LPCAT1: variants seen among roughly 807,000 people sequenced by gnomAD.
LPCAT1 encodes the protein 1-acylglycerol-3-phosphate O-acyltransferase.
LPCAT1 carries 23 observed loss-of-function variants against 60.9 expected under a neutral mutation model. The ratio of observed to expected loss-of-function variants is 0.38; its 90% CI spans 0.27 to 0.53. LPCAT1 has a LOEUF of 0.53. Among genes scored for constraint, LPCAT1 ranks in the 20% least tolerant of loss-of-function variants. The pLI, the probability that LPCAT1 is intolerant of heterozygous loss-of-function variation, is 0.82. For synonymous variants in LPCAT1, 340 were observed against 301.1 expected (o/e 1.13, Z -1.34); for missense variants, 622 against 723.6 (o/e 0.86, Z 1.61).
At chr5:1,514,125 C>T (rs1736434915) in intron 1 of LPCAT1, among the ~76,000 whole-genome samples, 1 of 152,232 alleles carries the variant, frequency 6.6e-6, no homozygotes, top group African/African-American at 2.4e-5. Context: ...ACCCCCACCA[C>T]CAGCGGCTGG....
intron 13 of LPCAT1, among the ~76,000 whole-genome samples, chr5:1,466,047 C>T (rs1471746769): frequency 6.6e-6 from 1 of 152,258 alleles, no homozygotes; most frequent in Non-Finnish European, 1.5e-5. Flanking sequence ...CTAAGACCAC[C>T]CTTCCAGGTG....
chr5:1,474,420 T>C (rs1042252755), intron 10 of LPCAT1, 140 bp downstream of exon 10: 50 of 1,219,906 alleles, frequency 4.1e-5, no homozygotes, highest in Non-Finnish European at 5.4e-5. Context: ...CTATGTGGGC[T>C]TAAGTTGATA....
chr5:1,468,168 T>C (rs937455412), intron 12 of LPCAT1, among the ~76,000 whole-genome samples: 3 of 152,158 alleles, frequency 2.0e-5, no homozygotes, highest in East Asian at 3.9e-4. Flanking sequence ...CTCTACCCCA[T>C]GGACCGGGTC....
intron 9 of LPCAT1, among the ~76,000 whole-genome samples, chr5:1,475,583 G>A (rs1734872475): frequency 6.6e-6 from 1 of 152,258 alleles, no homozygotes; most frequent in African/African-American, 2.4e-5. Context: ...GGATGTGTGC[G>A]CTCTGCCACC....
rs140908990 is a variant in LPCAT1 at position 1,495,548 on chromosome 5, T to C, written c.279-634A>G. Among the ~76,000 whole-genome samples, 1,363 of 152,250 alleles carry C rather than the reference T, an allele frequency of 9.0e-3. 24 individuals are homozygous for C. The highest frequency in any genetic ancestry group is 0.032 in the African/African-American group (1,311 of 41,508). On this transcript the variant is annotated intron_variant, in intron 2 of 13. Transcript: ENST00000283415. The surrounding 1 kb of genome is among the most constrained non-coding windows in gnomAD (Gnocchi z 4.7). ...GTGTACTCTTTATCTCTTTTTAAAA[T>C]AGGTACAAATTTAGCCTTTTAAATG...
chr5:1,486,151 G>T (rs1735363262), intron 5 of LPCAT1, among the ~76,000 whole-genome samples: 1 of 152,190 alleles, frequency 6.6e-6, no homozygotes, highest in Non-Finnish European at 1.5e-5. Context: ...GGAGAGGAAG[G>T]CCCCACATGG....
In LPCAT1 at chr5:1,466,789, G is replaced by C. The variant is rs543894552; in HGVS notation, c.1380C>G (p.Phe460Leu). 5 of 1,613,064 alleles carry C rather than the reference G, an allele frequency of 3.1e-6. No homozygotes were observed. In the South Asian group the frequency reaches 5.5e-5, roughly 18 times the overall value. Residue 460 changes from phenylalanine to leucine, a missense_variant, in exon 13 of 14, where the codon TTC (phenylalanine) becomes TTG (leucine). Physicochemically the swap from Phe to Leu is conservative, Grantham distance 22. Transcript: ENST00000283415. ...GVAELTVTDL[F>L]RAIDQEEKGK... The stretch of plus-strand genomic sequence containing the variant: ...CCTTCTCCTCTTGGTCAATGGCTCG[G>C]AATAGGTCGGTCACGGTGAGCTCTG...
At chr5:1,471,029 T>C in intron 11 of LPCAT1, 105 bp from the exon 12 acceptor site, 1 of 840,840 alleles carries the variant, frequency 1.2e-6, no homozygotes, top group South Asian at 1.6e-5. Context: ...AGTCCCACTC[T>C]CACTCGGGAA....
intron 1 of LPCAT1, among the ~76,000 whole-genome samples, chr5:1,509,044 G>A (rs1231499594): frequency 3.9e-5 from 6 of 152,252 alleles, no homozygotes; most frequent in African/African-American, 1.2e-4. Flanking sequence ...GGATGCTGCG[G>A]CCCCTCCGAG....
chr5:1,471,605 C>T (rs576482806), intron 11 of LPCAT1, among the ~76,000 whole-genome samples: 1 of 147,736 alleles, frequency 6.8e-6, no homozygotes, highest in Admixed American at 6.7e-5. Flanking sequence ...GGAAGACTCT[C>T]TGGTCAGACA....
rs1579740781 is a variant in LPCAT1 at position 1,462,043 on chromosome 5, G to A, written c.*1608C>T. 6.6e-6 allele frequency: 1 copy of A among 152,526 alleles called. No homozygotes were observed. Among genetic ancestry groups the A allele is most frequent in the South Asian group, 2.1e-4 (1 of 4,818 alleles). 9.4% of individuals were successfully genotyped at this position (152,526 alleles called of 1,614,324 possible). On this transcript the variant is annotated 3_prime_UTR_variant, in exon 14 of 14. Coordinates refer to ENST00000283415, the MANE Select transcript of LPCAT1 (RefSeq NM_024830.5). ...CAGTGTCCATGCTAAAAAACAAGTC[G>A]AGGTGATTGATTGAAACGGAGCTGA...
Position 1,474,070 on chromosome 5 carries a change from A to G in LPCAT1, c.1066T>C (p.Ser356Pro). ...EKLEKDLDRY[S>P]ERARMKGGEK... ...CCTCCCTTCATCCTGGCTCTTTCTG[A>G]GTATCTGTCCAGATCTTTTTCAAGC... is the stretch of plus-strand genomic sequence containing the variant. The change falls in exon 11 of 14, where the codon TCA (serine) becomes CCA (proline). Residue 356 changes from serine to proline, a missense_variant. Around this residue, in one of 3 missense-constraint regions of LPCAT1, gnomAD observed 288 missense variants for 283.6 expected, o/e 1.02. Transcript: ENST00000283415. The G allele has an allele frequency of 6.2e-7, 1 of 1,614,184 alleles. No homozygotes were observed. Among genetic ancestry groups the G allele is most frequent in the East Asian group, 2.2e-5 (1 of 44,892 alleles).
intron 11 of LPCAT1, 143 bp from the exon 12 acceptor site, chr5:1,471,067 G>A (rs1734650677): frequency 7.6e-6 from 5 of 654,220 alleles, no homozygotes; most frequent in Non-Finnish European, 1.3e-5. Flanking sequence ...AGGGAATCTT[G>A]GAAGGACATT....
At chr5:1,471,025 A>G (rs1214404702) in intron 11 of LPCAT1, 101 bp from the exon 12 acceptor site, 2 of 880,010 alleles carry the variant, frequency 2.3e-6, no homozygotes, top group East Asian at 5.0e-5. Flanking sequence ...GGCCAGTCCC[A>G]CTCTCACTCG....
intron 1 of LPCAT1, among the ~76,000 whole-genome samples, chr5:1,514,620 G>A (rs998033105): frequency 2.6e-5 from 4 of 151,672 alleles, no homozygotes; most frequent in East Asian, 1.9e-4. Context: ...ACCCTACGCC[G>A]CCAGGCACGC....
At chr5:1,510,704 A>C (rs1221240621) in intron 1 of LPCAT1, 2 of 152,252 alleles carry the variant, frequency 1.3e-5, no homozygotes, top group Non-Finnish European at 2.9e-5. Flanking sequence ...CGGCCCTGGG[A>C]CCGTTGGCAC....
chr5:1,466,968 G>A, intron 12 of LPCAT1, 78 bp from the exon 13 acceptor site: 1 of 1,342,474 alleles, frequency 7.4e-7, no homozygotes, highest in Non-Finnish European at 9.6e-7. Flanking sequence ...CACCCCAGCG[G>A]CCCTGCCCCG....
intron 12 of LPCAT1, 82 bp from the exon 13 acceptor site, chr5:1,466,972 T>G: frequency 7.5e-7 from 1 of 1,334,034 alleles, no homozygotes; most frequent in East Asian, 2.8e-5. Flanking sequence ...CCAGCGGCCC[T>G]GCCCCGCTTT....
chr5:1,483,860 G>A lies in LPCAT1; in HGVS notation c.668-374C>T, dbSNP rs1218020033. Among the ~76,000 whole-genome samples, 1 of 147,640 alleles carries A rather than the reference G, an allele frequency of 6.8e-6. No individual in the cohort carries two copies. Among genetic ancestry groups the A allele is most frequent in the Non-Finnish European group, 1.5e-5 (1 of 67,376 alleles). The stretch of plus-strand genomic sequence containing the variant: ...CGCGCACCAGCTGGAAGGCGTCTGT[G>A]GAGGGACACTTGCTATTATAACATT... On this transcript the variant is annotated intron_variant, in intron 5 of 13. Transcript: ENST00000283415. This position sits in a 1 kb window ranked among gnomAD's most constrained non-coding sequence, Gnocchi z 9.2.
Sources: allele counts gnomAD v4.1 joint callset (sites outside exome capture counted in the v4.1 genomes callset), GRCh38; gene constraint gnomAD v4.1.1; regional missense constraint gnomAD v4.1.1; non-coding constraint Gnocchi (gnomAD v3.1); transcripts MANE v1.5; gene names NCBI Gene and HGNC (gene_info 2026-07-23, HGNC 2026-07-21).